The following TYW1 variants were observed in gnomAD, a reference collection of about 807,000 sequenced individuals.
The protein encoded by TYW1 is tRNA-yW synthesizing protein 1 homolog.
In TYW1, 46 loss-of-function variants were observed where a neutral mutation model predicts 96.2. The observed-to-expected ratio is 0.48, with a 90% CI of 0.38 to 0.61. The LOEUF (loss-of-function observed/expected upper bound fraction) is 0.61, where lower values mean the gene tolerates loss of function less well. Among genes scored for constraint, TYW1 ranks in the 20% least tolerant of loss-of-function variants. The pLI is 0.00. For missense variants in TYW1, 684 were observed against 909.6 expected, an observed-to-expected ratio of 0.75 and a Z score of 3.19; for synonymous variants, 274 against 323.0, an observed-to-expected ratio of 0.85 and a Z score of 1.63.
chr7:67,157,192 C>T (rs1436403492), intron 13 of TYW1, among the ~76,000 whole-genome samples: 1 of 152,154 alleles, frequency 6.6e-6, no homozygotes, highest in Non-Finnish European at 1.5e-5. Context: ...ACAGAATTCC[C>T]ATGCACACCC....
chr7:67,032,896 T>G (rs1171441843), intron 7 of TYW1, among the ~76,000 whole-genome samples: 4 of 126,420 alleles, frequency 3.2e-5, no homozygotes, highest in Non-Finnish European at 6.7e-5. Context: ...TTTTTTTTTT[T>G]TTTTTTTTTT....
chr7:67,162,462 A>C (rs1186039890), intron 13 of TYW1, among the ~76,000 whole-genome samples: 1 of 152,192 alleles, frequency 6.6e-6, no homozygotes, highest in Non-Finnish European at 1.5e-5. Context: ...TTTCTGGAGA[A>C]ATAGACCTGC....
At chr7:67,094,648 TAGA>T (rs1460083360) in intron 11 of TYW1, among the ~76,000 whole-genome samples, 1 of 95,942 alleles carries the variant, frequency 1.0e-5, no homozygotes. Context: ...GAGAGAGAAT[TAGA>T]GTGTGTGTGT....
intron 7 of TYW1, among the ~76,000 whole-genome samples, chr7:67,029,280 C>T (rs1040105094): frequency 4.0e-5 from 6 of 150,106 alleles, no homozygotes; most frequent in Non-Finnish European, 7.4e-5. Context: ...CTACCGCGCC[C>T]GGCTGGCTGA....
intron 13 of TYW1, among the ~76,000 whole-genome samples, chr7:67,138,104 C>G (rs2116096584): frequency 6.6e-6 from 1 of 152,262 alleles, no homozygotes; most frequent in Admixed American, 6.5e-5. Context: ...GCAGACACCC[C>G]ACACTTCACA....
intron 14 of TYW1, 152 bp downstream of exon 14, chr7:67,183,388 T>G: frequency 1.4e-6 from 1 of 705,044 alleles, no homozygotes; most frequent in African/African-American, 1.8e-5. Context: ...ATCAAGAACC[T>G]GGAATTGTTC....
chr7:67,036,225 G>A (rs1445494690), intron 7 of TYW1, among the ~76,000 whole-genome samples: 3 of 150,346 alleles, frequency 2.0e-5, no homozygotes, highest in African/African-American at 7.3e-5. Flanking sequence ...AGGTTTCTTC[G>A]GAATCCTATT....
intron 12 of TYW1, among the ~76,000 whole-genome samples, chr7:67,108,688 C>T (rs1456421743): frequency 3.3e-5 from 5 of 151,408 alleles, no homozygotes; most frequent in Admixed American, 1.3e-4. Flanking sequence ...CTGCTTTGCC[C>T]GCCTTGGCCT....
chr7:67,019,533 G>A (rs1469577869), intron 6 of TYW1, among the ~76,000 whole-genome samples: 1 of 152,256 alleles, frequency 6.6e-6, no homozygotes, highest in African/African-American at 2.4e-5. Flanking sequence ...TCACTATGTT[G>A]CCCAGGCTAG....
At chr7:67,207,317 T>C (rs1470866451) in intron 15 of TYW1, among the ~76,000 whole-genome samples, 4 of 152,242 alleles carry the variant, frequency 2.6e-5, no homozygotes, top group African/African-American at 9.6e-5. Context: ...TCTTCCCTTC[T>C]GGAATCAGAA....
At chr7:67,018,980 A>C (rs1317195780) in intron 6 of TYW1, among the ~76,000 whole-genome samples, 2 of 89,628 alleles carry the variant, frequency 2.2e-5, no homozygotes, top group African/African-American at 7.2e-5. Context: ...AAAAGAAAAA[A>C]ACAAAATACT....
chr7:67,085,337 C>T (rs1257845797), intron 11 of TYW1, among the ~76,000 whole-genome samples: 1 of 152,130 alleles, frequency 6.6e-6, no homozygotes, highest in Non-Finnish European at 1.5e-5. Flanking sequence ...GCTGTTTCCC[C>T]CATGGTGTTC....
At chr7:67,141,705 A>C (rs1472316712) in intron 13 of TYW1, among the ~76,000 whole-genome samples, 1 of 152,144 alleles carries the variant, frequency 6.6e-6, no homozygotes, top group Non-Finnish European at 1.5e-5. Flanking sequence ...CCTCACTGTA[A>C]AGTGGGGTTA....
chr7:66,997,560 GAGTT>G (rs1302996294), intron 1 of TYW1, among the ~76,000 whole-genome samples: 2 of 151,940 alleles, frequency 1.3e-5, no homozygotes, highest in Non-Finnish European at 2.9e-5. Context: ...TTTTTTCTTT[GAGTT>G]AGTGTTAACA....
chr7:67,141,932 G>A (rs141969165), intron 13 of TYW1, among the ~76,000 whole-genome samples: 14,530 of 152,256 alleles, frequency 0.095, 788 homozygotes, highest in Middle Eastern at 0.14. Flanking sequence ...CTACTCGGGA[G>A]GCTGAGGCAG....
At chr7:67,134,380 T>A (rs1388487290) in intron 13 of TYW1, among the ~76,000 whole-genome samples, 1 of 151,370 alleles carries the variant, frequency 6.6e-6, no homozygotes, top group Non-Finnish European at 1.5e-5. Context: ...CTGTTAGTAC[T>A]AAAAATACAA....
At chr7:67,063,213 T>A (rs763189078) in intron 9 of TYW1, among the ~76,000 whole-genome samples, 54 of 152,314 alleles carry the variant, frequency 3.5e-4, no homozygotes, top group South Asian at 8.3e-4. Context: ...TATCAATTGA[T>A]TCTGAAAAAG....
At chr7:67,205,850 C>T (rs186129025) in intron 15 of TYW1, among the ~76,000 whole-genome samples, 311 of 152,186 alleles carry the variant, frequency 2.0e-3, no homozygotes, top group Non-Finnish European at 3.3e-3. Flanking sequence ...GGCTTGCAGC[C>T]CAGTCCAGGA....
intron 12 of TYW1, among the ~76,000 whole-genome samples, chr7:67,116,453 A>C (rs1167257816): frequency 6.6e-6 from 1 of 152,146 alleles, no homozygotes; most frequent in Non-Finnish European, 1.5e-5. Context: ...TGGGAGGCTG[A>C]GGTGGGTGGA....
Sources: gnomAD v4.1 joint callset for allele counts (sites outside exome capture counted in the v4.1 genomes callset) on GRCh38, gnomAD v4.1.1 for gene constraint, MANE v1.5 for transcripts, NCBI Gene and HGNC (gene_info 2026-07-23, HGNC 2026-07-21) for gene names.